The following GRM7 variants were observed in gnomAD, a reference collection of about 807,000 sequenced individuals.
The protein encoded by GRM7 is glutamate metabotropic receptor 7.
In GRM7, 35 loss-of-function variants were observed where a neutral mutation model predicts 84.5. That is an observed-to-expected ratio of 0.41 (90% CI 0.32 to 0.55). GRM7 has a LOEUF of 0.55. GRM7 is among the 20% of genes least tolerant of loss of function. The pLI is 0.19. For missense variants in GRM7, 1,003 were observed against 1,194.6 expected (o/e 0.84, Z 2.36); for synonymous variants, 487 against 455.1 (o/e 1.07, Z -0.89).
At chr3:7,181,617 A>T (rs989471653) in intron 2 of GRM7, among the ~76,000 whole-genome samples, 1 of 151,888 alleles carries the variant, frequency 6.6e-6, no homozygotes, top group Non-Finnish European at 1.5e-5. Flanking sequence ...TTATTTATTT[A>T]TTTATTTTTG....
Position 7,473,489 on chromosome 3 carries a change from GGAGAGAGAGAGA to G in GRM7, c.1515+11798_1515+11809del, listed in dbSNP as rs372898836. Among the ~76,000 whole-genome samples the G allele has an allele frequency of 2.2e-3, 272 of 126,494 alleles. 2 individuals carry two copies. The highest frequency in any genetic ancestry group is 9.5e-3 in the Middle Eastern group (2 of 210). The allele number at this position is 126,494 out of a possible 152,430, so 83.0% of individuals were successfully genotyped here. On this transcript the variant is annotated intron_variant, in intron 7 of 9. Transcript: ENST00000357716. ...AGACTCTGTCTCTTAAAAACGAGAG[GGAGAGAGAGAGA>G]GAGAGAGAGAGAGAGAGAGAGAGAG...
chr3:7,571,737 T>C (rs1309534133), intron 7 of GRM7, among the ~76,000 whole-genome samples: 1 of 152,180 alleles, frequency 6.6e-6, no homozygotes, highest in East Asian at 1.9e-4. Context: ...GCAGTGCCCC[T>C]CTCTACTGGT....
intron 9 of GRM7, among the ~76,000 whole-genome samples, chr3:7,717,571 T>C (rs887005321): frequency 6.6e-6 from 1 of 152,198 alleles, no homozygotes; most frequent in African/African-American, 2.4e-5. Flanking sequence ...AACGGAAACC[T>C]GGATTCAAAT....
At chr3:7,264,101 C>A (rs1698543697) in intron 2 of GRM7, among the ~76,000 whole-genome samples, 1 of 152,014 alleles carries the variant, frequency 6.6e-6, no homozygotes, top group Non-Finnish European at 1.5e-5. Flanking sequence ...AGGAGTTGTC[C>A]CCTCTGGGTA....
At chr3:7,668,121 G>A (rs1225167579) in intron 8 of GRM7, among the ~76,000 whole-genome samples, 3 of 152,214 alleles carry the variant, frequency 2.0e-5, no homozygotes, top group Non-Finnish European at 2.9e-5. Flanking sequence ...GAAAATGTAG[G>A]TGGCCACCCT....
rs560769092 is a variant in GRM7, at chr3:7,497,674, A to C, written c.1515+35952A>C. Among the ~76,000 whole-genome samples the C allele has an allele frequency of 2.1e-4, 32 of 152,316 alleles. No homozygotes were observed. The South Asian group carries it at 6.2e-3, about 30-fold the overall frequency. ...CATATACATGAGCCTCATTTGTATA[A>C]TTAAATAGAGATAATCTCACTCTTG... On this transcript the variant is annotated intron_variant, in intron 7 of 9. Transcript: ENST00000357716.
At chr3:7,258,918 G>A (rs1048974432) in intron 2 of GRM7, among the ~76,000 whole-genome samples, 10 of 152,190 alleles carry the variant, frequency 6.6e-5, no homozygotes, top group South Asian at 2.1e-4. Flanking sequence ...CAAGATGAGC[G>A]TGGAAAACCT....
intron 2 of GRM7, among the ~76,000 whole-genome samples, chr3:7,159,574 A>G (rs570258861): frequency 1.3e-5 from 2 of 151,982 alleles, no homozygotes; most frequent in Non-Finnish European, 2.9e-5. Context: ...TCTTCATTCC[A>G]TTTTCATCAT....
chr3:7,321,473 G>GT (rs1455183429), intron 4 of GRM7, among the ~76,000 whole-genome samples: 5 of 152,072 alleles, frequency 3.3e-5, no homozygotes, highest in Middle Eastern at 3.4e-3. Flanking sequence ...GAAATAGGTA[G>GT]TTTTTTAGCT....
intron 3 of GRM7, among the ~76,000 whole-genome samples, chr3:7,300,951 A>C (rs1232513822): frequency 3.9e-5 from 6 of 152,228 alleles, no homozygotes; most frequent in Admixed American, 3.9e-4. Context: ...AATGGCGTTG[A>C]ACAAGTGAAT....
chr3:7,654,034 T>A (rs1317902609), intron 8 of GRM7, among the ~76,000 whole-genome samples: 1 of 152,148 alleles, frequency 6.6e-6, no homozygotes, highest in Non-Finnish European at 1.5e-5. Flanking sequence ...AGAAAACTTA[T>A]AATCATGCCC....
intron 1 of GRM7, among the ~76,000 whole-genome samples, chr3:6,911,790 G>T (rs1386714933): frequency 6.6e-6 from 1 of 152,132 alleles, no homozygotes; most frequent in Non-Finnish European, 1.5e-5. Flanking sequence ...TAAGCGAAGA[G>T]TAAATCTTCC....
intron 7 of GRM7, among the ~76,000 whole-genome samples, chr3:7,511,741 G>A (rs1700218121): frequency 6.6e-6 from 1 of 152,162 alleles, no homozygotes. Flanking sequence ...AAAGGCATTA[G>A]TGCTTGTCTA....
chr3:7,567,127 CATTT>C (rs1694318063), intron 7 of GRM7, among the ~76,000 whole-genome samples: 1 of 152,302 alleles, frequency 6.6e-6, no homozygotes, highest in African/African-American at 2.4e-5. Context: ...CCACTCACTT[CATTT>C]GTTTACTCTA....
intron 2 of GRM7, among the ~76,000 whole-genome samples, chr3:7,229,989 A>T (rs932821554): frequency 6.7e-6 from 1 of 149,844 alleles, no homozygotes; most frequent in Non-Finnish European, 1.5e-5. Context: ...ACAGGCGCCC[A>T]CCACCACGCC....
At position 7,068,523 on chromosome 3, in the gene GRM7, ACT is replaced by A. The variant is rs527786092; in HGVS notation, c.520-77926_520-77925del. Among the ~76,000 whole-genome samples the A allele has an allele frequency of 6.6e-5, 10 of 151,920 alleles. No homozygotes were observed. In the South Asian group the frequency reaches 2.1e-3, roughly 32 times the overall value. On this transcript the variant is annotated intron_variant, in intron 1 of 9. Transcript: ENST00000357716. The stretch of plus-strand genomic sequence containing the variant: ...CTATAAGAACCGGTTTTGATTTTAA[ACT>A]CTATCTTGAGCATGCTGTGTACAAC...
chr3:7,329,222 C>G (rs746168652), intron 4 of GRM7, among the ~76,000 whole-genome samples: 2 of 152,158 alleles, frequency 1.3e-5, no homozygotes, highest in African/African-American at 2.4e-5. Flanking sequence ...TACTTCACTA[C>G]TGCTTCCAGG....
rs1324791993 is a variant in GRM7 at position 6,885,938 on chromosome 3, AGTTT to A, written c.519+24033_519+24036del. 2.4e-4 allele frequency among the ~76,000 whole-genome samples: 37 copies of A among 152,300 alleles called. 1 individual carries two copies. The highest frequency in any genetic ancestry group is 6.2e-4 in the South Asian group (3 of 4,824). On this transcript the variant is annotated intron_variant, in intron 1 of 9. Coordinates refer to ENST00000357716, the MANE Select transcript of GRM7 (RefSeq NM_000844.4). ...GGATGCTATATTTTGTTTTCAAGTT[AGTTT>A]GAGTTTCTTTTCAGCTTTACTGACA...
intron 1 of GRM7, among the ~76,000 whole-genome samples, chr3:6,953,674 G>A (rs1692891769): frequency 6.6e-6 from 1 of 152,120 alleles, no homozygotes; most frequent in African/African-American, 2.4e-5. Flanking sequence ...ATCTCACCAG[G>A]TGATTGCTGA....
Sources: allele counts gnomAD v4.1 joint callset (sites outside exome capture counted in the v4.1 genomes callset), GRCh38; gene constraint gnomAD v4.1.1; transcripts MANE v1.5; gene names NCBI Gene and HGNC (gene_info 2026-07-23, HGNC 2026-07-21).